GAS5: variants seen among roughly 807,000 people sequenced by gnomAD.
The protein encoded by GAS5 is growth arrest specific 5 (non-protein coding).
chr1:173,864,519 GAA>G, intron 6 of GAS5: 1 of 442,014 alleles, frequency 2.3e-6, no homozygotes, highest in South Asian at 1.6e-5. Flanking sequence ...GTTTGAAGAT[GAA>G]AAATAATACC....
At chr1:173,865,280 T>C in intron 6 of GAS5, 1 of 421,460 alleles carries the variant, frequency 2.4e-6, no homozygotes, top group South Asian at 1.8e-5. Flanking sequence ...CGACTCTCCA[T>C]ACCTGTAGAA....
chr1:173,868,914 C>G (rs1414248371), upstream of GAS5: 1 of 152,736 alleles, frequency 6.5e-6, no homozygotes, highest in East Asian at 1.9e-4. Flanking sequence ...TCCCAATTCT[C>G]CCTTTTACAG....
At chr1:173,866,517 A>G in intron 3 of GAS5, 1 of 697,980 alleles carries the variant, frequency 1.4e-6, no homozygotes, top group Non-Finnish European at 2.6e-6. Context: ...TACAAAATAG[A>G]GGTGTCTCAC....
intron 6 of GAS5, chr1:173,864,742 A>G: frequency 2.0e-6 from 1 of 504,096 alleles, no homozygotes; most frequent in South Asian, 1.4e-5. Context: ...GACAACTTGC[A>G]TACAATTAGG....
chr1:173,867,726 A>C (rs779663079), upstream of GAS5: 3 of 519,150 alleles, frequency 5.8e-6, no homozygotes, highest in Non-Finnish European at 1.2e-5. Flanking sequence ...CCCTACCAAC[A>C]CAGGCTTCAT....
intron 3 of GAS5, chr1:173,866,367 A>ATC (rs748320283): frequency 1.9e-6 from 1 of 531,038 alleles, no homozygotes; most frequent in Non-Finnish European, 3.7e-6. Flanking sequence ...CCATCATAGT[A>ATC]TCTGTTTTCA....
In GAS5 at chr1:173,864,249, A is replaced by G. The variant is rs763434766; in HGVS notation, n.324+8T>C. The G allele has an allele frequency of 2.3e-5, 12 of 514,390 alleles. No homozygotes were observed. In the East Asian group the frequency reaches 4.4e-4, roughly 19 times the overall value. The allele number at this position is 514,390 out of a possible 1,614,324, so 31.9% of individuals were successfully genotyped here. A position where few individuals can be genotyped will look rare whatever the true frequency, so the allele number is the denominator to read the frequency against. On this transcript the variant is annotated splice_region_variant and intron_variant and non_coding_transcript_variant, in intron 7 of 7. Transcript: ENST00000651080. Reference sequence around the variant, plus strand: ...AATTATAATAGTCCCAACATTTCCAATCCTCACCTTTCAAGCAGTAAGCTG... The same window carrying G: ...AATTATAATAGTCCCAACATTTCCAGTCCTCACCTTTCAAGCAGTAAGCTG...
chr1:173,867,122 C>A, upstream of GAS5: 1 of 604,950 alleles, frequency 1.7e-6, no homozygotes, highest in South Asian at 2.0e-5. Flanking sequence ...AAAAACGGTT[C>A]GTCTTTTTAA....
chr1:173,867,669 A>G (rs1000127752), upstream of GAS5: 1 of 518,936 alleles, frequency 1.9e-6, no homozygotes, highest in Non-Finnish European at 3.8e-6. Flanking sequence ...GTGACTCGGC[A>G]TGTGCCACCA....
At chr1:173,864,064 T>G in intron 7 of GAS5, 1 of 443,554 alleles carries the variant, frequency 2.3e-6, no homozygotes, top group East Asian at 6.3e-5. Context: ...CTAGCTTGGG[T>G]GAGGCAAGAC....
chr1:173,867,914 G>T (rs993293209), upstream of GAS5: 4 of 369,588 alleles, frequency 1.1e-5, no homozygotes, highest in Non-Finnish European at 2.2e-5. Flanking sequence ...GCAGACAAAG[G>T]CTGGAGCGCC....
chr1:173,866,365 G>A (rs765742878), intron 3 of GAS5: 2 of 530,434 alleles, frequency 3.8e-6, no homozygotes, highest in Non-Finnish European at 3.7e-6. Flanking sequence ...AACCATCATA[G>A]TATCTGTTTT....
At chr1:173,865,838 T>C in intron 5 of GAS5, 2 of 512,454 alleles carry the variant, frequency 3.9e-6, no homozygotes, top group Non-Finnish European at 7.8e-6. Flanking sequence ...GTCTATCTAC[T>C]GTTTTCATTA....
chr1:173,864,954 C>T (rs1017994899), intron 6 of GAS5: 2 of 512,936 alleles, frequency 3.9e-6, no homozygotes, highest in African/African-American at 3.9e-5. Context: ...CATGGTGGCT[C>T]ACGCCTGTAA....
At chr1:173,866,205 G>A (rs974034193) in exon 4 of GAS5, 3 of 479,364 alleles carry the variant, frequency 6.3e-6, no homozygotes, top group Admixed American at 2.2e-5. Flanking sequence ...TCTGTCTAAT[G>A]CCTGTAATTT....
intron 3 of GAS5, chr1:173,866,376 C>A: frequency 1.9e-6 from 1 of 536,504 alleles, no homozygotes; most frequent in Non-Finnish European, 3.7e-6. Context: ...TATCTGTTTT[C>A]ACATTTTCTT....
At chr1:173,866,851 C>T (rs773301995) in intron 1 of GAS5, 1 of 765,458 alleles carries the variant, frequency 1.3e-6, no homozygotes, top group Admixed American at 1.7e-5. Context: ...ACAGCAGTCA[C>T]GTTAAATATA....
upstream of GAS5, chr1:173,867,259 C>CT: frequency 1.9e-6 from 1 of 514,148 alleles, no homozygotes; most frequent in Non-Finnish European, 3.4e-6. Flanking sequence ...TGGCTCACGG[C>CT]TTGTAATCCC....
intron 6 of GAS5, chr1:173,865,043 T>C (rs1654351202): frequency 2.7e-6 from 1 of 376,208 alleles, no homozygotes; most frequent in African/African-American, 2.1e-5. Flanking sequence ...AACATAGCTG[T>C]ACAAAATTAG....
Sources: gnomAD v4.1 joint callset for allele counts on GRCh38, gnomAD v4.1.1 for gene constraint, MANE v1.5 for transcripts, NCBI Gene and HGNC (gene_info 2026-07-23, HGNC 2026-07-21) for gene names.